The following TMEM38B variants were observed in gnomAD, a reference collection of about 807,000 sequenced individuals.
TMEM38B encodes transmembrane protein 38B.
In TMEM38B, 24 loss-of-function variants were observed where a neutral mutation model predicts 28.7. That is an observed-to-expected ratio of 0.84 (90% CI 0.61 to 1.18). The LOEUF (loss-of-function observed/expected upper bound fraction) is 1.18, where lower values mean the gene tolerates loss of function less well. Among genes scored for constraint, TMEM38B ranks in the 50% most tolerant of loss-of-function variants. The pLI is 0.00. For synonymous variants in TMEM38B, 131 were observed against 127.7 expected (o/e 1.03, Z -0.17); for missense variants, 380 against 350.9 (o/e 1.08, Z -0.66).
At chr9:105,758,258 G>A (rs1837905230) in intron 5 of TMEM38B, 3 of 670,834 alleles carry the variant, frequency 4.5e-6, no homozygotes, top group Middle Eastern at 4.0e-4. Flanking sequence ...CTTTACCAGT[G>A]TGGACACTGA....
rs1050649655 is a variant in TMEM38B, at chr9:105,737,615, G to A, written c.543-10458G>A. ...CGCTGGGGACTAGTCCAGTTCTGTG[G>A]AAGTAGGGTGTTGCATCCGTTCCAC... On this transcript the variant is annotated intron_variant, in intron 4 of 5. Transcript: ENST00000374692. Among the ~76,000 whole-genome samples, 14 of 152,200 alleles carry A rather than the reference G, an allele frequency of 9.2e-5. 1 individual carries two copies. The highest frequency in any genetic ancestry group is 3.4e-4 in the African/African-American group (14 of 41,452).
chr9:105,743,554 C>G (rs1043947606), intron 4 of TMEM38B, among the ~76,000 whole-genome samples: 5 of 152,086 alleles, frequency 3.3e-5, no homozygotes, highest in African/African-American at 1.2e-4. Context: ...AGTGATGCTT[C>G]TTATTTGGTA....
intron 2 of TMEM38B, among the ~76,000 whole-genome samples, chr9:105,715,914 T>C (rs1836082987): frequency 6.6e-6 from 1 of 152,230 alleles, no homozygotes; most frequent in Admixed American, 6.5e-5. Flanking sequence ...TTATTTTTTT[T>C]CTTGTAATAA....
In TMEM38B at chr9:105,775,264, T is replaced by C. The variant is rs764082068; in HGVS notation, c.*1184T>C. On this transcript the variant is annotated 3_prime_UTR_variant, in exon 6 of 6. Transcript: ENST00000374692. Reference sequence around the variant, plus strand: ...AACTTCATATGGCAGTCCATTTAGATGAAGAATGATGATATAAAATCTGGT... The same window carrying C: ...AACTTCATATGGCAGTCCATTTAGACGAAGAATGATGATATAAAATCTGGT... The C allele has an allele frequency of 6.6e-6, 1 of 152,072 alleles. No individual in the cohort carries two copies. The highest frequency in any genetic ancestry group is 2.4e-5 in the African/African-American group (1 of 41,436). The allele number at this position is 152,072 out of a possible 1,614,324, so 9.4% of individuals were successfully genotyped here. A position where few individuals can be genotyped will look rare whatever the true frequency, so the allele number is the denominator to read the frequency against.
At chr9:105,713,055 G>A (rs1295351954) in intron 2 of TMEM38B, among the ~76,000 whole-genome samples, 1 of 152,244 alleles carries the variant, frequency 6.6e-6, no homozygotes, top group Non-Finnish European at 1.5e-5. Context: ...AGGGAGCTGG[G>A]GACATGCGGG....
chr9:105,710,348 G>T, intron 2 of TMEM38B: 1 of 727,742 alleles, frequency 1.4e-6, no homozygotes. Context: ...TCTATTTCTA[G>T]GATTATATGA....
intron 5 of TMEM38B, chr9:105,758,704 T>C: frequency 2.7e-6 from 2 of 741,272 alleles, no homozygotes; most frequent in Non-Finnish European, 4.8e-6. Context: ...AAAAACAACA[T>C]AGAGAACTTT....
chr9:105,709,889 C>A (rs545642575), intron 2 of TMEM38B, among the ~76,000 whole-genome samples: 94 of 152,292 alleles, frequency 6.2e-4, no homozygotes, highest in Non-Finnish European at 1.1e-3. Flanking sequence ...CAGTTTGAGG[C>A]AGACCAACAG....
chr9:105,717,061 A>C (rs1360182520), intron 2 of TMEM38B, among the ~76,000 whole-genome samples: 1 of 152,000 alleles, frequency 6.6e-6, no homozygotes, highest in Non-Finnish European at 1.5e-5. Context: ...TGTGCGTGGG[A>C]TTTTGGTTTT....
At chr9:105,705,322 A>T (rs1835613652) in intron 1 of TMEM38B, among the ~76,000 whole-genome samples, 1 of 152,334 alleles carries the variant, frequency 6.6e-6, no homozygotes, top group Middle Eastern at 3.4e-3. Context: ...GTTTATAATA[A>T]TCCATTACTA....
intron 4 of TMEM38B, among the ~76,000 whole-genome samples, chr9:105,732,528 G>A (rs2133593647): frequency 1.3e-5 from 2 of 152,224 alleles, no homozygotes; most frequent in East Asian, 3.9e-4. Flanking sequence ...TCTACATGTG[G>A]CTAGCCAGTT....
At chr9:105,732,160 T>G (rs1339987575) in intron 4 of TMEM38B, among the ~76,000 whole-genome samples, 3 of 152,078 alleles carry the variant, frequency 2.0e-5, no homozygotes, top group African/African-American at 7.2e-5. Flanking sequence ...GGTTGTTTGA[T>G]TTTTTTCTTG....
intron 4 of TMEM38B, among the ~76,000 whole-genome samples, chr9:105,747,282 A>G (rs991156779): frequency 5.3e-5 from 8 of 152,292 alleles, no homozygotes; most frequent in East Asian, 3.9e-4. Flanking sequence ...CAGAGATTCA[A>G]TTTCTTCCTG....
At chr9:105,705,207 A>G (rs937669638) in intron 1 of TMEM38B, among the ~76,000 whole-genome samples, 5 of 152,072 alleles carry the variant, frequency 3.3e-5, no homozygotes, top group African/African-American at 9.7e-5. Flanking sequence ...TTATTTTCCA[A>G]TATACTTAAG....
rs1050961511 is a variant in TMEM38B at position 105,775,328 on chromosome 9, C to G, written c.*1248C>G. 1.3e-5 allele frequency: 2 copies of G among 152,022 alleles called. No individual in the cohort carries two copies. The highest frequency in any genetic ancestry group is 1.3e-4 in the Admixed American group (2 of 15,254). The allele number at this position is 152,022 out of a possible 1,614,324, so 9.4% of individuals were successfully genotyped here. A position where few individuals can be genotyped will look rare whatever the true frequency, so the allele number is the denominator to read the frequency against. Reference sequence around the variant, plus strand: ...AATAAAAAACAAACAAGAAAAGATACTAAATGATGTTAATTTTCTTACTTT... The same window carrying G: ...AATAAAAAACAAACAAGAAAAGATAGTAAATGATGTTAATTTTCTTACTTT... On this transcript the variant is annotated 3_prime_UTR_variant, in exon 6 of 6. Transcript: ENST00000374692.
chr9:105,716,935 G>A (rs1836122170), intron 2 of TMEM38B, among the ~76,000 whole-genome samples: 1 of 151,994 alleles, frequency 6.6e-6, no homozygotes, highest in Admixed American at 6.5e-5. Flanking sequence ...GGTGAGGCTT[G>A]TGGTCAACAG....
intron 5 of TMEM38B, among the ~76,000 whole-genome samples, chr9:105,772,747 C>G (rs997511020): frequency 1.3e-5 from 2 of 152,128 alleles, no homozygotes; most frequent in South Asian, 2.1e-4. Flanking sequence ...AGTACTCTCA[C>G]AATGTTGTGT....
intron 5 of TMEM38B, among the ~76,000 whole-genome samples, chr9:105,755,966 C>A (rs999169944): frequency 6.6e-6 from 1 of 152,156 alleles, no homozygotes; most frequent in Non-Finnish European, 1.5e-5. Flanking sequence ...CATGGTGGAT[C>A]ATGCCTGTAA....
At chr9:105,722,127 A>C (rs1402966037) in intron 3 of TMEM38B, among the ~76,000 whole-genome samples, 2 of 152,160 alleles carry the variant, frequency 1.3e-5, no homozygotes, top group Non-Finnish European at 2.9e-5. Context: ...ATGATTGACT[A>C]TGGGTTCATG....
Sources: allele counts gnomAD v4.1 joint callset (sites outside exome capture counted in the v4.1 genomes callset), GRCh38; gene constraint gnomAD v4.1.1; transcripts MANE v1.5; gene names NCBI Gene and HGNC (gene_info 2026-07-23, HGNC 2026-07-21).